VPS52: variants seen among roughly 807,000 people sequenced by gnomAD.
VPS52 encodes vacuolar protein sorting-associated protein 52 homolog.
Under a neutral mutation model 98.7 loss-of-function variants are expected in VPS52, and 56 were observed. The ratio of observed to expected loss-of-function variants is 0.57; its 90% CI spans 0.46 to 0.71. The LOEUF (loss-of-function observed/expected upper bound fraction) is 0.71, where lower values mean the gene tolerates loss of function less well. VPS52 is among the 30% of genes least tolerant of loss of function. The pLI is 0.00. For synonymous variants in VPS52, 348 were observed against 346.4 expected, an observed-to-expected ratio of 1.00 and a Z score of -0.05; for missense variants, 742 against 925.9, an observed-to-expected ratio of 0.80 and a Z score of 2.58.
In VPS52 at chr6:33,269,520, G is replaced by A; in HGVS notation, c.342C>T (p.Asn114=). The change falls in exon 5 of 20, where the codon AAC becomes AAT. Residue 114 remains asparagine, a synonymous_variant. Transcript: ENST00000445902. ...GGACAGCATCACAGGCTGTGATCTGGTTGTGTAGAGATGCTATATTCTCAC... is the reference window on the plus strand; with the variant it reads ...GGACAGCATCACAGGCTGTGATCTGATTGTGTAGAGATGCTATATTCTCAC... ...QESENIASLH[N]QITACDAVLE... is the part of the protein sequence containing the mutation. 6.2e-7 allele frequency: 1 copy of A among 1,613,242 alleles called. No individual in the cohort carries two copies. The highest frequency in any genetic ancestry group is 8.5e-7 in the Non-Finnish European group (1 of 1,179,840).
chr6:33,267,859 C>G lies in VPS52; in HGVS notation c.933+6G>C. On this transcript the variant is annotated splice_donor_region_variant and intron_variant, in intron 9 of 19. Transcript: ENST00000445902. The surrounding 1 kb of genome is among the most constrained non-coding windows in gnomAD (Gnocchi z 4.2). The stretch of plus-strand genomic sequence containing the variant: ...GCCCAGGAATACCTCTCCCTCCTGA[C>G]CTTACCTGCACCTTCATGAGCCGCC... The G allele has an allele frequency of 1.2e-6, 2 of 1,613,086 alleles. No homozygotes were observed. Among genetic ancestry groups the G allele is most frequent in the South Asian group, 1.1e-5 (1 of 91,086 alleles).
rs9280390 is a variant in VPS52 at position 33,266,160 on chromosome 6, A to ATTT, written c.1281+394_1281+396dup. Among the ~76,000 whole-genome samples the ATTT allele has an allele frequency of 4.2e-5, 5 of 119,642 alleles. 1 individual carries two copies. In the South Asian group the frequency reaches 8.3e-4, roughly 20 times the overall value. 78.5% of individuals were successfully genotyped at this position (119,642 alleles called of 152,430 possible). A position where few individuals can be genotyped will look rare whatever the true frequency, so the allele number is the denominator to read the frequency against. On this transcript the variant is annotated intron_variant, in intron 12 of 19. Coordinates refer to ENST00000445902, the MANE Select transcript of VPS52 (RefSeq NM_022553.6). ...CAGGCGTAAGCCACTGCACCTGGCT[A>ATTT]TTTTTTTTTTTTTTTTTTTTTGAGA...
intron 12 of VPS52, among the ~76,000 whole-genome samples, chr6:33,265,874 G>GT (rs1350762482): frequency 9.3e-5 from 14 of 150,178 alleles, no homozygotes; most frequent in Non-Finnish European, 1.6e-4. Context: ...TAAGTAACAA[G>GT]TTTTTTTTTT....
intron 17 of VPS52, among the ~76,000 whole-genome samples, chr6:33,256,175 A>T (rs1322214802): frequency 6.6e-6 from 1 of 152,134 alleles, no homozygotes; most frequent in Non-Finnish European, 1.5e-5. Context: ...AAAATTTAAA[A>T]AGGTTATCAA....
At chr6:33,269,578 G>A (rs201913362) in intron 4 of VPS52, 21 bp from the exon 5 acceptor site, 7 of 1,602,876 alleles carry the variant, frequency 4.4e-6, no homozygotes, top group Non-Finnish European at 6.0e-6. Context: ...AAAAGTCAAG[G>A]GGCCTCATGG....
chr6:33,252,923 A>G (rs995580704), intron 17 of VPS52, among the ~76,000 whole-genome samples: 3 of 152,186 alleles, frequency 2.0e-5, no homozygotes, highest in Non-Finnish European at 4.4e-5. Flanking sequence ...CTACCTCTCA[A>G]ATATCCCTGT....
At chr6:33,257,082 T>C (rs1439517010) in intron 17 of VPS52, among the ~76,000 whole-genome samples, 1 of 152,152 alleles carries the variant, frequency 6.6e-6, no homozygotes, top group Non-Finnish European at 1.5e-5. Context: ...CAGGCTGGAG[T>C]GCAGCAGCAC....
Position 33,268,238 on chromosome 6 carries a change from G to A in VPS52, c.700-30C>T. The A allele has an allele frequency of 1.2e-6, 2 of 1,607,596 alleles. No homozygotes were observed. The highest frequency in any genetic ancestry group is 2.2e-5 in the South Asian group (2 of 90,928). On this transcript the variant is annotated intron_variant, in intron 7 of 19. Transcript: ENST00000445902. This position sits in a 1 kb window ranked among gnomAD's most constrained non-coding sequence, Gnocchi z 4.0. ...ATGTGGGGAACCAAACACAGGGCAT[G>A]AAGCTGCAACCCTTTTGCTGTATGA...
In VPS52 at chr6:33,266,598, G is replaced by A. The variant is rs1011466830; in HGVS notation, c.1240C>T (p.Leu414=). 3.7e-6 allele frequency: 6 copies of A among 1,612,710 alleles called. No homozygotes were observed. The highest frequency in any genetic ancestry group is 1.7e-4 in the Middle Eastern group (1 of 6,056). Reference sequence around the variant, plus strand: ...GTACGGCCCATGACAGCATGGAACAGGTCGTGTGCAGCTGGGCCAGACACA... The same window carrying A: ...GTACGGCCCATGACAGCATGGAACAAGTCGTGTGCAGCTGGGCCAGACACA... ...FVVSGPAAHD[L]FHAVMGRTLS... The change falls in exon 12 of 20, where the codon CTG becomes TTG. Residue 414 remains leucine, a synonymous_variant. Coordinates refer to ENST00000445902, the MANE Select transcript of VPS52 (RefSeq NM_022553.6).
chr6:33,260,633 G>A (rs1019933228), intron 17 of VPS52, among the ~76,000 whole-genome samples: 1 of 151,954 alleles, frequency 6.6e-6, no homozygotes, highest in Admixed American at 6.6e-5. Context: ...CTTTTTTTGT[G>A]TGTGTTCTTG....
At chr6:33,255,998 A>G (rs1039818129) in intron 17 of VPS52, among the ~76,000 whole-genome samples, 2 of 152,090 alleles carry the variant, frequency 1.3e-5, no homozygotes, top group African/African-American at 4.8e-5. Context: ...TTTCTGTTCA[A>G]CTTCTAAACA....
intron 17 of VPS52, among the ~76,000 whole-genome samples, chr6:33,256,658 C>A (rs62405748): frequency 6.6e-6 from 1 of 150,944 alleles, no homozygotes; most frequent in Non-Finnish European, 1.5e-5. Flanking sequence ...CTAGCCAACA[C>A]GGTGAAACCC....
intron 18 of VPS52, 31 bp from the exon 19 acceptor site, chr6:33,251,667 G>A (rs1762259533): frequency 1.3e-6 from 2 of 1,556,072 alleles, no homozygotes; most frequent in East Asian, 4.5e-5. Context: ...TGTCAGAGAG[G>A]GATCTGGCTG....
intron 3 of VPS52, 53 bp from the exon 4 acceptor site, chr6:33,269,872 T>G (rs1449374820): frequency 1.3e-6 from 2 of 1,596,332 alleles, no homozygotes; most frequent in East Asian, 4.5e-5. Flanking sequence ...AAAGGGACAC[T>G]GTAACAGAAT....
chr6:33,255,052 C>T (rs1046753320), intron 17 of VPS52: 76 of 152,114 alleles, frequency 5.0e-4, no homozygotes, highest in African/African-American at 1.7e-3. Flanking sequence ...ATCTGTTTCT[C>T]CTTACTTTTT....
intron 17 of VPS52, among the ~76,000 whole-genome samples, chr6:33,258,287 T>G (rs1272991231): frequency 1.3e-5 from 2 of 149,578 alleles, no homozygotes; most frequent in African/African-American, 4.9e-5. Flanking sequence ...CTCAGGAGGC[T>G]GAGAAAGGAT....
chr6:33,262,671 A>G (rs1581591364), intron 17 of VPS52, among the ~76,000 whole-genome samples: 2 of 152,352 alleles, frequency 1.3e-5, no homozygotes, highest in East Asian at 3.9e-4. Context: ...TATATACACA[A>G]TGGAGTACTA....
chr6:33,263,625 C>G, intron 16 of VPS52, 76 bp from the exon 17 acceptor site: 1 of 1,592,080 alleles, frequency 6.3e-7, no homozygotes, highest in Non-Finnish European at 8.6e-7. Context: ...TCATTCCACA[C>G]TTATTGTACT....
In VPS52 at chr6:33,264,095, G is replaced by T. The variant is rs1428980000; in HGVS notation, c.1533C>A (p.Arg511=). Residue 511 remains arginine (R), a synonymous_variant, in exon 15 of 20, where the codon CGC becomes CGA. Transcript: ENST00000445902. ...GLDTRPHYIT[R]RYAEFSSALV... is the part of the protein sequence containing the mutation. ...GAGCGGAGGAGAACTCTGCATAGCGGCGTGTGATCTAGGAGAGAGTGGGAA... is the reference window on the plus strand; with the variant it reads ...GAGCGGAGGAGAACTCTGCATAGCGTCGTGTGATCTAGGAGAGAGTGGGAA... 8 of 1,614,100 alleles carry T rather than the reference G, an allele frequency of 5.0e-6. No individual in the cohort carries two copies. The highest frequency in any genetic ancestry group is 1.7e-4 in the Middle Eastern group (1 of 6,018).
Sources: allele counts gnomAD v4.1 joint callset (sites outside exome capture counted in the v4.1 genomes callset), GRCh38; gene constraint gnomAD v4.1.1; non-coding constraint Gnocchi (gnomAD v3.1); transcripts MANE v1.5; gene names NCBI Gene and HGNC (gene_info 2026-07-23, HGNC 2026-07-21).